The following DSP variants were observed in gnomAD, a reference collection of about 807,000 sequenced individuals.
DSP encodes 250/210 kDa paraneoplastic pemphigus antigen.
Under a neutral mutation model 290.6 loss-of-function variants are expected in DSP, and 114 were observed. The ratio of observed to expected loss-of-function variants is 0.39; its 90% CI spans 0.34 to 0.46. DSP has a LOEUF of 0.46. Ranked by LOEUF, DSP falls within the 20% of genes least tolerant of loss-of-function variation. The pLI is 0.99. For missense variants in DSP, 3,230 were observed against 3,495.8 expected, an observed-to-expected ratio of 0.92 and a Z score of 1.92; for synonymous variants, 1,311 against 1,316.4, an observed-to-expected ratio of 1.00 and a Z score of 0.09.
chr6:7,542,269 T>TGGC (rs977014460), intron 1 of DSP, among the ~76,000 whole-genome samples, 184 bp downstream of exon 1: 1 of 143,184 alleles, frequency 7.0e-6, no homozygotes, highest in Non-Finnish European at 1.6e-5. Flanking sequence ...GGGGACAGGT[T>TGGC]GGCCCCTGTC....
intron 11 of DSP, 123 bp from the exon 12 acceptor site, chr6:7,569,063 G>C: frequency 7.5e-7 from 1 of 1,331,338 alleles, no homozygotes; most frequent in Non-Finnish European, 1.0e-6. Context: ...AGCTTCATTT[G>C]AGGGGAAAAA....
At chr6:7,564,947 C>G (rs1054438530) in intron 6 of DSP, among the ~76,000 whole-genome samples, 2 of 152,134 alleles carry the variant, frequency 1.3e-5, no homozygotes, top group Non-Finnish European at 1.5e-5. Flanking sequence ...GAGTTCGAGA[C>G]CAGCCTGGCC....
At chr6:7,547,916 G>A (rs1033668656) in intron 1 of DSP, among the ~76,000 whole-genome samples, 5 of 151,484 alleles carry the variant, frequency 3.3e-5, no homozygotes, top group East Asian at 3.9e-4. Flanking sequence ...TTATCACCCC[G>A]CCTCCATTTT....
At position 7,571,437 on chromosome 6, in the gene DSP, C is replaced by A. The variant is rs1244222372; in HGVS notation, c.1756C>A (p.His586Asn). 1 of 1,614,180 alleles carries A rather than the reference C, an allele frequency of 6.2e-7. No individual in the cohort carries two copies. The highest frequency in any genetic ancestry group is 1.1e-5 in the South Asian group (1 of 91,074). Residue 586 changes from histidine (H) to asparagine (N), a missense_variant, in exon 14 of 24, where the codon CAT (histidine) becomes AAT (asparagine). Around this residue, in one of 5 missense-constraint regions of DSP, gnomAD observed 81 missense variants for 130.5 expected, o/e 0.62. Transcript: ENST00000379802. ...GAAGACGATAGCCGACCTTGAGTTA[C>A]ATTACCAAGAGTTCATCAGAAATAG... Reference protein sequence around the residue: ...YMKTIADLELHYQEFIRNSQG... With the variant: ...YMKTIADLELNYQEFIRNSQG...
intron 4 of DSP, among the ~76,000 whole-genome samples, 188 bp downstream of exon 4, chr6:7,559,588 A>T (rs558904563): frequency 6.6e-6 from 1 of 152,384 alleles, no homozygotes; most frequent in African/African-American, 2.4e-5. Context: ...ATGAGATTTC[A>T]GTGTGGCTTG....
At chr6:7,547,298 T>G (rs1000555925) in intron 1 of DSP, among the ~76,000 whole-genome samples, 12 of 152,120 alleles carry the variant, frequency 7.9e-5, no homozygotes, top group Admixed American at 5.9e-4. Context: ...CAATAATTTA[T>G]GGCTCACCAC....
chr6:7,545,029 T>G (rs1443921903), intron 1 of DSP, among the ~76,000 whole-genome samples: 1 of 152,210 alleles, frequency 6.6e-6, no homozygotes, highest in Non-Finnish European at 1.5e-5. Flanking sequence ...TTATAAATAG[T>G]GAAATTTGTT....
chr6:7,568,621 T>C, intron 11 of DSP, 32 bp downstream of exon 11: 1 of 1,611,960 alleles, frequency 6.2e-7, no homozygotes, highest in East Asian at 2.2e-5. Context: ...TACAAAAGTT[T>C]TCCCTGTCTT....
Position 7,541,816 on chromosome 6 carries a change from C to A in DSP, c.-100C>A. The A allele has an allele frequency of 2.1e-6, 3 of 1,437,726 alleles. No homozygotes were observed. The highest frequency in any genetic ancestry group is 9.3e-7 in the Non-Finnish European group (1 of 1,078,868). The allele number at this position is 1,437,726 out of a possible 1,614,324, so 89.1% of individuals were successfully genotyped here. A position where few individuals can be genotyped will look rare whatever the true frequency, so the allele number is the denominator to read the frequency against. On this transcript the variant is annotated 5_prime_UTR_variant, in exon 1 of 24. Transcript: ENST00000379802. Reference sequence around the variant, plus strand: ...GAGCCTTCCGCACTCCCGCCCGGTTCCCCGGCCGTCCGCCTATCCTTGGCC... The same window carrying A: ...GAGCCTTCCGCACTCCCGCCCGGTTACCCGGCCGTCCGCCTATCCTTGGCC...
Position 7,541,891 on chromosome 6 carries a change from G to A in DSP, c.-25G>A. On this transcript the variant is annotated 5_prime_UTR_variant, in exon 1 of 24. Coordinates refer to ENST00000379802, the MANE Select transcript of DSP (RefSeq NM_004415.4). Reference sequence around the variant, plus strand: ...CGCCTCGCTTATGCCTCGGCGCTGAGCCGCTCTCCCGATTGCCCGCCGACA... The same window carrying A: ...CGCCTCGCTTATGCCTCGGCGCTGAACCGCTCTCCCGATTGCCCGCCGACA... 2 of 1,601,300 alleles carry A rather than the reference G, an allele frequency of 1.2e-6. No individual in the cohort carries two copies. The highest frequency in any genetic ancestry group is 2.3e-5 in the East Asian group (1 of 44,278).
Position 7,568,526 on chromosome 6 carries a change from C to G in DSP, c.1356C>G (p.Asn452Lys), listed in dbSNP as rs1187261274. 1.2e-6 allele frequency: 2 copies of G among 1,613,978 alleles called. No homozygotes were observed. Among genetic ancestry groups the G allele is most frequent in the African/African-American group, 2.7e-5 (2 of 74,918 alleles). ...SKKIVQLKPR[N>K]PDYRSNKPII... ...AGATTGTACAGCTGAAGCCTCGTAA[C>G]CCAGACTACAGAAGCAATAAACCCA... Residue 452 changes from asparagine to lysine, a missense_variant, in exon 11 of 24, where the codon AAC (asparagine) becomes AAG (lysine). Physicochemically the swap from Asn to Lys is moderately conservative, Grantham distance 94. Around this residue, in one of 5 missense-constraint regions of DSP, gnomAD observed 646 missense variants for 684.3 expected, o/e 0.94. Coordinates refer to ENST00000379802, the MANE Select transcript of DSP (RefSeq NM_004415.4).
rs762658467 is a variant in DSP at position 7,571,541 on chromosome 6, G to A, written c.1860G>A (p.Gln620=). The A allele has an allele frequency of 2.2e-5, 35 of 1,614,084 alleles. No individual in the cohort carries two copies. The Middle Eastern group carries it at 6.6e-4, about 30-fold the overall frequency. ...TCACCGATGCCCAGAAGCATTACCAGACCCTGGTCATTCAGCTCCCTGGCT... is the reference window on the plus strand; with the variant it reads ...TCACCGATGCCCAGAAGCATTACCAAACCCTGGTCATTCAGCTCCCTGGCT... ...SQFTDAQKHY[Q]TLVIQLPGYP... Residue 620 remains glutamine (Q), a synonymous_variant, in exon 14 of 24, where the codon CAG becomes CAA. Coordinates refer to ENST00000379802, the MANE Select transcript of DSP (RefSeq NM_004415.4).
intron 1 of DSP, among the ~76,000 whole-genome samples, chr6:7,544,401 T>G (rs1758111362): frequency 6.6e-6 from 1 of 152,174 alleles, no homozygotes; most frequent in Non-Finnish European, 1.5e-5. Context: ...TGCTCTCTGC[T>G]AAGTGAATGA....
In DSP at chr6:7,576,470, T is replaced by G. The variant is rs1581811868; in HGVS notation, c.2793+14T>G. The G allele has an allele frequency of 3.1e-6, 5 of 1,614,070 alleles. No individual in the cohort carries two copies. The East Asian group carries it at 1.1e-4, about 36-fold the overall frequency. ...AATGAGCAGAAGGTATAAGCCAACT[T>G]TTTGTTCCATAGCTGTTTTGAGATT... is the stretch of plus-strand genomic sequence containing the variant. On this transcript the variant is annotated intron_variant, in intron 19 of 23. Coordinates refer to ENST00000379802, the MANE Select transcript of DSP (RefSeq NM_004415.4).
chr6:7,562,684 C>A lies in DSP; in HGVS notation c.630C>A (p.Asp210Glu). 6.2e-7 allele frequency: 1 copy of A among 1,614,072 alleles called. No homozygotes were observed. Among genetic ancestry groups the A allele is most frequent in the Non-Finnish European group, 8.5e-7 (1 of 1,180,002 alleles). Residue 210 changes from aspartate to glutamate, a missense_variant, in exon 5 of 24, where the codon GAC becomes GAA. Transcript: ENST00000379802. Reference protein sequence around the residue: ...AEMDMVAWGVDLASVEQHINS... With the variant: ...AEMDMVAWGVELASVEQHINS... ...TGGACATGGTGGCCTGGGGTGTGGA[C>A]CTGGCCTCAGTGGAGCAGCACATTA...
At position 7,585,503 on chromosome 6, in the gene DSP, C is replaced by T. The variant is rs748231845; in HGVS notation, c.8241C>T (p.Thr2747=). The T allele has an allele frequency of 8.1e-6, 13 of 1,614,070 alleles. No individual in the cohort carries two copies. Among genetic ancestry groups the T allele is most frequent in the Non-Finnish European group, 1.1e-5 (13 of 1,180,024 alleles). ...VDPEVHGRIS[T]EEAIRKGFID... is the part of the protein sequence containing the mutation. Reference sequence around the variant, plus strand: ...CGGAAGTGCATGGGAGGATAAGCACCGAAGAAGCCATCCGGAAGGGGTTCA... The same window carrying T: ...CGGAAGTGCATGGGAGGATAAGCACTGAAGAAGCCATCCGGAAGGGGTTCA... The change falls in exon 24 of 24, where the codon ACC becomes ACT. Residue 2747 remains threonine (T), a synonymous_variant. Transcript: ENST00000379802.
In DSP at chr6:7,580,950, ACTC is replaced by A. The variant is rs1010996982; in HGVS notation, c.4763_4765del (p.Ser1588del). 11 of 1,613,912 alleles carry A rather than the reference ACTC, an allele frequency of 6.8e-6. No individual in the cohort carries two copies. The highest frequency in any genetic ancestry group is 8.5e-6 in the Non-Finnish European group (10 of 1,180,004). ...CGGCTGAAGAGGACCGCGTCAGAAG[ACTC>A]CTGCAAGAGGAAGAAGCTGGAGGAA... On this transcript the variant is annotated inframe_deletion, in exon 23 of 24. Coordinates refer to ENST00000379802, the MANE Select transcript of DSP (RefSeq NM_004415.4). This position sits in a 1 kb window ranked among gnomAD's most constrained non-coding sequence, Gnocchi z 4.2.
In DSP at chr6:7,582,143, TG is replaced by T. The variant is rs1438960425; in HGVS notation, c.5380-498del. ...ATATTTGTGTGTGGCTGGGTTGGTG[TG>T]TGTGTGTGTGTGTGTGTGTGTGTAT... On this transcript the variant is annotated intron_variant, in intron 23 of 23. Transcript: ENST00000379802. This position sits in a 1 kb window ranked among gnomAD's most constrained non-coding sequence, Gnocchi z 4.2. Among the ~76,000 whole-genome samples the T allele has an allele frequency of 3.3e-5, 3 of 92,244 alleles. No individual in the cohort carries two copies. Among genetic ancestry groups the T allele is most frequent in the Non-Finnish European group, 6.2e-5 (3 of 48,070 alleles). 60.5% of individuals were successfully genotyped at this position (92,244 alleles called of 152,430 possible).
chr6:7,568,782 A>T (rs1176876178), intron 11 of DSP, among the ~76,000 whole-genome samples, 193 bp downstream of exon 11: 3 of 152,236 alleles, frequency 2.0e-5, no homozygotes, highest in Admixed American at 2.0e-4. Flanking sequence ...AATAACAAGG[A>T]CAGTAGTTAT....
Sources: allele counts gnomAD v4.1 joint callset (sites outside exome capture counted in the v4.1 genomes callset), GRCh38; gene constraint gnomAD v4.1.1; regional missense constraint gnomAD v4.1.1; non-coding constraint Gnocchi (gnomAD v3.1); transcripts MANE v1.5; gene names NCBI Gene and HGNC (gene_info 2026-07-23, HGNC 2026-07-21).